Variants in MBD5 observed in about 807,000 individuals in gnomAD.
MBD5 encodes the protein methyl-CpG binding domain protein 5.
In MBD5, 13 loss-of-function variants were observed where a neutral mutation model predicts 117.3. The ratio of observed to expected loss-of-function variants is 0.11; its 90% CI spans 0.07 to 0.18. MBD5 has a LOEUF of 0.18. Among genes scored for constraint, MBD5 ranks in the 10% least tolerant of loss-of-function variants. The probability of loss-of-function intolerance (pLI) is 1.00; values close to 1 mark genes in which losing one functional copy is unlikely to be tolerated. For synonymous variants in MBD5, 727 were observed against 766.4 expected, an observed-to-expected ratio of 0.95 and a Z score of 0.85; for missense variants, 1,879 against 2,093.8, an observed-to-expected ratio of 0.90 and a Z score of 2.00.
Position 148,079,857 on chromosome 2 carries a change from A to AAACAAC in MBD5, c.-925+58215_-925+58220dup, listed in dbSNP as rs201427792. ...AGGCGACAGAGGGAGACTCTGTCTA[A>AAACAAC]AACAACAACAACAACAACAACAACA... On this transcript the variant is annotated intron_variant, in intron 1 of 13. Coordinates refer to ENST00000642680, the MANE Select transcript of MBD5 (RefSeq NM_001378120.1). 3.0e-3 allele frequency among the ~76,000 whole-genome samples: 367 copies of AAACAAC among 123,580 alleles called. 2 individuals are homozygous for AAACAAC. Among genetic ancestry groups the AAACAAC allele is most frequent in the Middle Eastern group, 0.02 (4 of 204 alleles). 81.1% of individuals were successfully genotyped at this position (123,580 alleles called of 152,430 possible).
At chr2:148,255,636 C>T (rs1198348596) in intron 3 of MBD5, among the ~76,000 whole-genome samples, 2 of 152,302 alleles carry the variant, frequency 1.3e-5, no homozygotes, top group South Asian at 4.1e-4. Flanking sequence ...GTATCTACAA[C>T]TGAATGGGGG....
At chr2:148,036,270 A>T (rs1694193248) in intron 1 of MBD5, among the ~76,000 whole-genome samples, 1 of 152,150 alleles carries the variant, frequency 6.6e-6, no homozygotes. Context: ...AACCCAACAT[A>T]TTCCATGTGC....
intron 3 of MBD5, among the ~76,000 whole-genome samples, chr2:148,254,008 C>A (rs76900327): frequency 6.6e-6 from 1 of 152,124 alleles, no homozygotes; most frequent in African/African-American, 2.4e-5. Flanking sequence ...GCCAGGGGCA[C>A]CCTCTGGGCA....
At chr2:148,197,799 T>TTG (rs966684527) in intron 2 of MBD5, among the ~76,000 whole-genome samples, 9 of 132,864 alleles carry the variant, frequency 6.8e-5, no homozygotes, top group Non-Finnish European at 1.3e-4. Flanking sequence ...CTGAGGTTTT[T>TTG]TTTTTTGTTT....
At position 148,327,670 on chromosome 2, in the gene MBD5, C is replaced by T. The variant is rs1370593997; in HGVS notation, c.-679-14544C>T. On this transcript the variant is annotated intron_variant, in intron 3 of 13. Transcript: ENST00000642680. ...GCTTCTGCATTCTTCACATAGTTATCGAGCCTTGGTTTTCAGCTCCATCAG... is the reference window on the plus strand; with the variant it reads ...GCTTCTGCATTCTTCACATAGTTATTGAGCCTTGGTTTTCAGCTCCATCAG... Among the ~76,000 whole-genome samples, 478 of 151,848 alleles carry T rather than the reference C, an allele frequency of 3.1e-3. 2 individuals carry two copies. The highest frequency in any genetic ancestry group is 6.6e-4 in the Non-Finnish European group (45 of 67,906).
At chr2:148,338,738 A>C (rs75227812) in intron 3 of MBD5, among the ~76,000 whole-genome samples, 10 of 152,218 alleles carry the variant, frequency 6.6e-5, no homozygotes, top group African/African-American at 2.4e-4. Context: ...ACCATGAGAC[A>C]TGAGTCAGGA....
At position 148,282,908 on chromosome 2, in the gene MBD5, C is replaced by A. The variant is rs78054544; in HGVS notation, c.-680+49513C>A. Among the ~76,000 whole-genome samples the A allele has an allele frequency of 1.1e-4, 14 of 127,712 alleles. No individual in the cohort carries two copies. In the East Asian group the frequency reaches 1.2e-3, roughly 11 times the overall value. 83.8% of individuals were successfully genotyped at this position (127,712 alleles called of 152,430 possible). A position where few individuals can be genotyped will look rare whatever the true frequency, so the allele number is the denominator to read the frequency against. On this transcript the variant is annotated intron_variant, in intron 3 of 13. Transcript: ENST00000642680. ...CTTTTAAGACTTAACCGCCCCCCCC[C>A]ATCAGATGCAATTATTAGTTGTCTC...
chr2:148,438,725 T>C (rs867038126), intron 4 of MBD5, among the ~76,000 whole-genome samples: 2 of 152,164 alleles, frequency 1.3e-5, no homozygotes, highest in Admixed American at 1.3e-4. Flanking sequence ...ATGCCACTGG[T>C]GTAAGTCCTG....
intron 1 of MBD5, among the ~76,000 whole-genome samples, chr2:148,029,629 C>T (rs1306309775): frequency 6.6e-6 from 1 of 152,076 alleles, no homozygotes; most frequent in Non-Finnish European, 1.5e-5. Context: ...GAAACCATTT[C>T]TTCAACAGCT....
intron 1 of MBD5, among the ~76,000 whole-genome samples, chr2:148,148,900 A>G (rs1697551186): frequency 6.6e-6 from 1 of 152,046 alleles, no homozygotes; most frequent in Non-Finnish European, 1.5e-5. Flanking sequence ...TTCTTCACTG[A>G]ATCATTAATT....
chr2:148,097,913 G>GTTA (rs1231209438), intron 1 of MBD5, among the ~76,000 whole-genome samples: 1 of 152,182 alleles, frequency 6.6e-6, no homozygotes, highest in Non-Finnish European at 1.5e-5. Flanking sequence ...TACCTTCTAG[G>GTTA]AACTTCATGA....
chr2:148,029,737 T>C (rs1355574226), intron 1 of MBD5, among the ~76,000 whole-genome samples: 1 of 152,208 alleles, frequency 6.6e-6, no homozygotes, highest in African/African-American at 2.4e-5. Flanking sequence ...CTATGTTACA[T>C]TGGTTTCTTT....
At chr2:148,246,498 C>T (rs993489254) in intron 3 of MBD5, among the ~76,000 whole-genome samples, 9 of 152,176 alleles carry the variant, frequency 5.9e-5, no homozygotes, top group East Asian at 5.8e-4. Context: ...TAGCTGGGCA[C>T]GGTGGCTCAT....
chr2:148,345,540 C>CGT (rs1703095737), intron 4 of MBD5, among the ~76,000 whole-genome samples: 16 of 69,148 alleles, frequency 2.3e-4, no homozygotes, highest in East Asian at 4.7e-4. Context: ...TGTATATACA[C>CGT]ATATACACAT....
At chr2:148,244,512 A>T (rs1173705162) in intron 3 of MBD5, 1 of 152,214 alleles carries the variant, frequency 6.6e-6, no homozygotes, top group Non-Finnish European at 1.5e-5. Context: ...GTCATGAGCT[A>T]TAAAATTAAT....
chr2:148,417,977 C>T (rs1403173271), intron 4 of MBD5, among the ~76,000 whole-genome samples: 1 of 151,916 alleles, frequency 6.6e-6, no homozygotes, highest in Admixed American at 6.6e-5. Flanking sequence ...GTAGCTGAGA[C>T]TACAGGCACC....
At chr2:148,490,665 T>A in intron 11 of MBD5, 71 bp downstream of exon 11, 14 of 1,570,152 alleles carry the variant, frequency 8.9e-6, no homozygotes, top group South Asian at 1.1e-5. Flanking sequence ...TTTGTTATCA[T>A]CACTTTGGAT....
chr2:148,321,590 C>T (rs1054212803), intron 3 of MBD5, among the ~76,000 whole-genome samples: 2 of 152,124 alleles, frequency 1.3e-5, no homozygotes, highest in Non-Finnish European at 2.9e-5. Context: ...CTTCAAGATA[C>T]CACTAATACA....
chr2:148,078,355 T>C (rs1393945384), intron 1 of MBD5, among the ~76,000 whole-genome samples: 1 of 152,144 alleles, frequency 6.6e-6, no homozygotes, highest in African/African-American at 2.4e-5. Flanking sequence ...GTCCTATGTA[T>C]CCAGTGGGTG....
Sources: allele counts gnomAD v4.1 joint callset (sites outside exome capture counted in the v4.1 genomes callset), GRCh38; gene constraint gnomAD v4.1.1; transcripts MANE v1.5; gene names NCBI Gene and HGNC (gene_info 2026-07-23, HGNC 2026-07-21).